KCNH1: variants seen among roughly 807,000 people sequenced by gnomAD.
The protein encoded by KCNH1 is voltage-gated delayed rectifier potassium channel KCNH1.
KCNH1 carries 27 observed loss-of-function variants against 69.2 expected under a neutral mutation model. That is an observed-to-expected ratio of 0.39 (90% CI 0.29 to 0.54). KCNH1 has a LOEUF of 0.54. Among genes scored for constraint, KCNH1 ranks in the 20% least tolerant of loss-of-function variants. The pLI is 0.68. For synonymous variants in KCNH1, 456 were observed against 487.7 expected (o/e 0.93, Z 0.86); for missense variants, 798 against 1,261.6 (o/e 0.63, Z 5.57).
At chr1:210,709,744 GAGA>G (rs1207882563) in intron 10 of KCNH1, among the ~76,000 whole-genome samples, 50 of 77,412 alleles carry the variant, frequency 6.5e-4, no homozygotes, top group Admixed American at 6.4e-4. Context: ...GAGAGAGAAA[GAGA>G]GAGAGAGAGA....
chr1:210,956,416 T>TAA (rs1688178662), intron 6 of KCNH1, among the ~76,000 whole-genome samples: 1 of 152,176 alleles, frequency 6.6e-6, no homozygotes. Flanking sequence ...GCTGGCTTCA[T>TAA]AAAATGAGTT....
intron 7 of KCNH1, among the ~76,000 whole-genome samples, chr1:210,864,097 G>A (rs1368506246): frequency 2.6e-5 from 4 of 152,212 alleles, no homozygotes; most frequent in Non-Finnish European, 5.9e-5. Flanking sequence ...GAAACATGCA[G>A]AGGGTTTGAC....
rs562275765 is a variant in KCNH1, at chr1:210,908,599, A to T, written c.1462+11041T>A. Among the ~76,000 whole-genome samples, 4 of 152,152 alleles carry T rather than the reference A, an allele frequency of 2.6e-5. No individual in the cohort carries two copies. The East Asian group carries it at 7.8e-4, about 29-fold the overall frequency. On this transcript the variant is annotated intron_variant, in intron 7 of 10. Coordinates refer to ENST00000271751, the MANE Select transcript of KCNH1 (RefSeq NM_172362.3). ...GGCTGCTGTCAGTATGTTCTCTGTT[A>T]ATTTGAACATTTGGGCCAGGCTTCA...
rs56737443 is a variant in KCNH1, at chr1:210,961,848, GAA to G, written c.1033-41781_1033-41780del. On this transcript the variant is annotated intron_variant, in intron 6 of 10. Transcript: ENST00000271751. ...AGAGCAAAACTGTCTCAAAAAAAAA[GAA>G]AAAAAAAAAGAATACAGTTATAATA... Among the ~76,000 whole-genome samples the G allele has an allele frequency of 3.8e-4, 56 of 147,780 alleles. 1 individual carries two copies. The highest frequency in any genetic ancestry group is 3.5e-3 in the Middle Eastern group (1 of 284).
At chr1:210,850,884 T>G (rs1256582667) in intron 7 of KCNH1, among the ~76,000 whole-genome samples, 1 of 152,230 alleles carries the variant, frequency 6.6e-6, no homozygotes, top group Non-Finnish European at 1.5e-5. Flanking sequence ...CTTCTACCTC[T>G]TTAGAGCCTA....
At chr1:210,924,337 A>C (rs1276612676) in intron 6 of KCNH1, among the ~76,000 whole-genome samples, 2 of 152,222 alleles carry the variant, frequency 1.3e-5, no homozygotes, top group Non-Finnish European at 2.9e-5. Flanking sequence ...TTCTAAACTA[A>C]ATTGAAGTTT....
At chr1:210,934,284 A>C (rs1341588210) in intron 6 of KCNH1, among the ~76,000 whole-genome samples, 3 of 152,226 alleles carry the variant, frequency 2.0e-5, no homozygotes, top group Non-Finnish European at 4.4e-5. Flanking sequence ...TCCATCCAAC[A>C]AGGATGAATA....
intron 1 of KCNH1, among the ~76,000 whole-genome samples, chr1:211,126,459 G>A (rs1190786739): frequency 6.7e-6 from 1 of 150,174 alleles, no homozygotes; most frequent in African/African-American, 2.5e-5. Flanking sequence ...GCAGTGAGCC[G>A]AGATTGCGCC....
At position 211,100,379 on chromosome 1, in the gene KCNH1, GTC is replaced by G. The variant is rs1015875106; in HGVS notation, c.310+3115_310+3116del. Among the ~76,000 whole-genome samples the G allele has an allele frequency of 1.7e-4, 26 of 152,174 alleles. 1 individual carries two copies. Among genetic ancestry groups the G allele is most frequent in the African/African-American group, 4.6e-4 (19 of 41,518 alleles). On this transcript the variant is annotated intron_variant, in intron 3 of 10. Transcript: ENST00000271751. ...ACACACATTTTGGGAGACAGAGTGA[GTC>G]TCTCTCTGTCACCCAGGCTGAAGAG...
rs552494284 is a variant in KCNH1, at chr1:210,744,384, G to A, written c.2112+30964C>T. ...GGTTGAGCCGGACACGGTGGCTCACGCCTGTAATCCCAGCACTTTGGGAGA... is the reference window on the plus strand; with the variant it reads ...GGTTGAGCCGGACACGGTGGCTCACACCTGTAATCCCAGCACTTTGGGAGA... On this transcript the variant is annotated intron_variant, in intron 10 of 10. Coordinates refer to ENST00000271751, the MANE Select transcript of KCNH1 (RefSeq NM_172362.3). Among the ~76,000 whole-genome samples, 3 of 152,302 alleles carry A rather than the reference G, an allele frequency of 2.0e-5. No homozygotes were observed. The South Asian group carries it at 6.2e-4, about 32-fold the overall frequency.
At chr1:211,011,567 A>T (rs1239447862) in intron 6 of KCNH1, among the ~76,000 whole-genome samples, 2 of 152,212 alleles carry the variant, frequency 1.3e-5, no homozygotes, top group Admixed American at 1.3e-4. Context: ...AATCTTCTAC[A>T]ATGGTTGAAC....
chr1:211,096,682 G>A (rs530428170), intron 3 of KCNH1, among the ~76,000 whole-genome samples: 5 of 152,166 alleles, frequency 3.3e-5, no homozygotes, highest in African/African-American at 7.2e-5. Flanking sequence ...ACGTCAAACC[G>A]CTCCCTCTAA....
chr1:210,856,594 C>T (rs1277726384), intron 7 of KCNH1, among the ~76,000 whole-genome samples: 3 of 151,264 alleles, frequency 2.0e-5, no homozygotes, highest in African/African-American at 4.9e-5. Context: ...CATTTGGGCA[C>T]ATTTTTACCC....
At position 210,815,353 on chromosome 1, in the gene KCNH1, G is replaced by A. The variant is rs571562749; in HGVS notation, c.1463-11187C>T. ...TATTGAGAATGCATAAGGAGACTCT[G>A]AAGGTAGTTAACCTTACTCTACTGG... On this transcript the variant is annotated intron_variant, in intron 7 of 10. Coordinates refer to ENST00000271751, the MANE Select transcript of KCNH1 (RefSeq NM_172362.3). Among the ~76,000 whole-genome samples the A allele has an allele frequency of 4.0e-3, 602 of 152,280 alleles. 2 individuals carry two copies. Among genetic ancestry groups the A allele is most frequent in the African/African-American group, 0.014 (563 of 41,564 alleles).
intron 6 of KCNH1, among the ~76,000 whole-genome samples, chr1:210,971,882 A>T (rs1248886203): frequency 1.3e-5 from 2 of 152,170 alleles, no homozygotes; most frequent in African/African-American, 4.8e-5. Context: ...AAAATGTTAC[A>T]TGCTAAGAGA....
At chr1:211,059,756 TGA>T (rs56144734) in intron 5 of KCNH1, among the ~76,000 whole-genome samples, 19 of 146,408 alleles carry the variant, frequency 1.3e-4, no homozygotes, top group South Asian at 4.3e-4. Flanking sequence ...AAAAAAAGAG[TGA>T]GAGAGAGAGA....
intron 6 of KCNH1, among the ~76,000 whole-genome samples, chr1:210,927,150 G>T (rs1479789252): frequency 6.6e-6 from 1 of 152,118 alleles, no homozygotes; most frequent in African/African-American, 2.4e-5. Flanking sequence ...ATATTTGAGG[G>T]AATAATCAAG....
At chr1:210,782,311 A>G (rs1684002108) in intron 9 of KCNH1, among the ~76,000 whole-genome samples, 1 of 152,184 alleles carries the variant, frequency 6.6e-6, no homozygotes, top group African/African-American at 2.4e-5. Context: ...TATGGTCTGA[A>G]TATTTGTGTC....
In KCNH1 at chr1:211,075,763, G is replaced by A. The variant is rs777896362; in HGVS notation, c.558+7017C>T. 1.1e-4 allele frequency among the ~76,000 whole-genome samples: 17 copies of A among 152,342 alleles called. No homozygotes were observed. In the South Asian group the frequency reaches 1.2e-3, roughly 11 times the overall value. ...GGGTGCAGCCCACAGAGGGCAAGCC[G>A]AAGCAGGGCGGAGCATTGCCTCACC... On this transcript the variant is annotated intron_variant, in intron 5 of 10. Coordinates refer to ENST00000271751, the MANE Select transcript of KCNH1 (RefSeq NM_172362.3).
Sources: gnomAD v4.1 joint callset for allele counts (sites outside exome capture counted in the v4.1 genomes callset) on GRCh38, gnomAD v4.1.1 for gene constraint, MANE v1.5 for transcripts, NCBI Gene and HGNC (gene_info 2026-07-23, HGNC 2026-07-21) for gene names.